Variants in DKK2 observed in about 807,000 individuals in gnomAD.
DKK2 encodes the protein dickkopf Wnt signaling pathway inhibitor 2, also known as dickkopf-related protein 2.
Under a neutral mutation model 28.1 loss-of-function variants are expected in DKK2, and 11 were observed. That is an observed-to-expected ratio of 0.39 (90% confidence interval 0.25 to 0.65). DKK2 has a LOEUF of 0.65. Ranked by LOEUF, DKK2 falls within the 30% of genes least tolerant of loss-of-function variation. The pLI is 0.47. For synonymous variants in DKK2, 135 were observed against 126.5 expected (o/e 1.07, Z -0.45); for missense variants, 326 against 335.5 (o/e 0.97, Z 0.22).
At chr4:107,008,056 C>T (rs1200878349) in intron 1 of DKK2, among the ~76,000 whole-genome samples, 2 of 152,032 alleles carry the variant, frequency 1.3e-5, no homozygotes, top group Non-Finnish European at 2.9e-5. Context: ...AGTTATGTCC[C>T]AGCTTATGTT....
chr4:106,939,268 G>C (rs952216428), intron 1 of DKK2, among the ~76,000 whole-genome samples: 2 of 151,916 alleles, frequency 1.3e-5, no homozygotes, highest in African/African-American at 4.8e-5. Flanking sequence ...GCAAAGTCTC[G>C]GGATACAAAA....
intron 1 of DKK2, among the ~76,000 whole-genome samples, chr4:106,964,960 T>TAGATAGATAG: frequency 6.8e-6 from 1 of 146,440 alleles, no homozygotes; most frequent in African/African-American, 2.5e-5. Context: ...GATAGATAGA[T>TAGATAGATAG]ATAGATAGAT....
At chr4:106,945,903 G>A (rs2110345240) in intron 1 of DKK2, among the ~76,000 whole-genome samples, 1 of 152,196 alleles carries the variant, frequency 6.6e-6, no homozygotes, top group South Asian at 2.1e-4. Flanking sequence ...CATAACCACA[G>A]CCAGCCATGG....
chr4:107,000,119 A>G (rs1049582902), intron 1 of DKK2, among the ~76,000 whole-genome samples: 2 of 152,232 alleles, frequency 1.3e-5, no homozygotes, highest in Non-Finnish European at 2.9e-5. Flanking sequence ...TGAATAGTCA[A>G]GGATAAAAGC....
At chr4:107,010,166 T>C (rs1723496635) in intron 1 of DKK2, among the ~76,000 whole-genome samples, 1 of 151,696 alleles carries the variant, frequency 6.6e-6, no homozygotes, top group African/African-American at 2.4e-5. Flanking sequence ...AAACAAGTAA[T>C]AATACAATAT....
chr4:107,033,760 A>T (rs1175016041), intron 1 of DKK2, among the ~76,000 whole-genome samples: 2 of 152,166 alleles, frequency 1.3e-5, no homozygotes, highest in Non-Finnish European at 2.9e-5. Flanking sequence ...TAGAGGAGTC[A>T]TGATTTGGAT....
intron 1 of DKK2, among the ~76,000 whole-genome samples, chr4:106,977,476 T>TA (rs1722962341): frequency 6.6e-6 from 1 of 152,320 alleles, no homozygotes; most frequent in African/African-American, 2.4e-5. Context: ...CTTCATGCTT[T>TA]ATTTCATTAC....
chr4:106,982,485 G>A (rs1723040860), intron 1 of DKK2, among the ~76,000 whole-genome samples: 1 of 152,088 alleles, frequency 6.6e-6, no homozygotes, highest in African/African-American at 2.4e-5. Context: ...ATAACAGGGA[G>A]GGCTGATATT....
chr4:107,034,627 A>G (rs1723934135), intron 1 of DKK2, among the ~76,000 whole-genome samples: 2 of 152,164 alleles, frequency 1.3e-5, no homozygotes, highest in South Asian at 2.1e-4. Flanking sequence ...CGACGCTGTC[A>G]TTGTCATCTC....
At chr4:106,942,136 C>G (rs1724708923) in intron 1 of DKK2, among the ~76,000 whole-genome samples, 1 of 152,034 alleles carries the variant, frequency 6.6e-6, no homozygotes. Flanking sequence ...ATGATAGATG[C>G]TTTGGTTTGT....
Position 107,035,559 on chromosome 4 carries a change from G to A in DKK2, c.33C>T (p.Ser11=). The part of the protein sequence containing the change: MAALMRSKDS[S]CCLLLLAAVL... ...CCGCGGCCAGTAGGAGCAGGCAGCA[G>A]GACGAATCCTTGCTCCGCATCAACG... is the stretch of plus-strand genomic sequence containing the variant. The change falls in exon 1 of 4, where the codon TCC becomes TCT. Residue 11 remains serine, a synonymous_variant. Coordinates refer to ENST00000285311, the MANE Select transcript of DKK2 (RefSeq NM_014421.3). The A allele has an allele frequency of 6.2e-7, 1 of 1,614,178 alleles. No individual in the cohort carries two copies. Among genetic ancestry groups the A allele is most frequent in the Non-Finnish European group, 8.5e-7 (1 of 1,180,042 alleles).
intron 1 of DKK2, among the ~76,000 whole-genome samples, chr4:107,034,837 A>T (rs1262676798): frequency 6.6e-6 from 1 of 152,076 alleles, no homozygotes; most frequent in Non-Finnish European, 1.5e-5. Context: ...CAATGTCTAG[A>T]CTGAAATCCC....
At chr4:107,003,234 A>T (rs1179120422) in intron 1 of DKK2, among the ~76,000 whole-genome samples, 2 of 152,142 alleles carry the variant, frequency 1.3e-5, no homozygotes, top group African/African-American at 4.8e-5. Context: ...TGCCAACTAT[A>T]CTGAGGAACA....
At chr4:107,025,569 A>G (rs1316129170) in intron 1 of DKK2, among the ~76,000 whole-genome samples, 4 of 152,188 alleles carry the variant, frequency 2.6e-5, no homozygotes, top group Non-Finnish European at 4.4e-5. Context: ...ACTTGGAAAA[A>G]GGACAAGCAG....
At chr4:106,941,616 T>C (rs1183602633) in intron 1 of DKK2, among the ~76,000 whole-genome samples, 1 of 152,164 alleles carries the variant, frequency 6.6e-6, no homozygotes, top group African/African-American at 2.4e-5. Context: ...CCAAGTACAC[T>C]ATATTGTCCT....
At chr4:106,983,372 A>AAAGAAAGAAAGAAAGAAAG (rs1560585856) in intron 1 of DKK2, among the ~76,000 whole-genome samples, 1 of 143,976 alleles carries the variant, frequency 6.9e-6, no homozygotes, top group African/African-American at 2.5e-5. Flanking sequence ...AAGAAAGAAG[A>AAAGAAAGAAAGAAAGAAAG]AAGAAAAGAA....
Position 107,017,979 on chromosome 4 carries a change from T to C in DKK2, c.222+17391A>G, listed in dbSNP as rs140384902. Among the ~76,000 whole-genome samples, 85 of 152,166 alleles carry C rather than the reference T, an allele frequency of 5.6e-4. 1 individual carries two copies. In the East Asian group the frequency reaches 0.016, roughly 28 times the overall value. ...CTAGCATTTTTCCCACCAAGGGATG[T>C]TTCCGCCCTTCTTAGAAGTACCCAA... On this transcript the variant is annotated intron_variant, in intron 1 of 3. Coordinates refer to ENST00000285311, the MANE Select transcript of DKK2 (RefSeq NM_014421.3).
At chr4:106,947,947 A>G (rs1724802247) in intron 1 of DKK2, among the ~76,000 whole-genome samples, 2 of 152,208 alleles carry the variant, frequency 1.3e-5, no homozygotes, top group South Asian at 4.1e-4. Flanking sequence ...CAACATACTC[A>G]GCAAATTAAC....
At chr4:106,994,045 C>T (rs1246064811) in intron 1 of DKK2, among the ~76,000 whole-genome samples, 3 of 152,138 alleles carry the variant, frequency 2.0e-5, no homozygotes, top group Admixed American at 1.3e-4. Flanking sequence ...GCATTGTAAC[C>T]TTATCTAGCG....
Sources: gnomAD v4.1 joint callset for allele counts (sites outside exome capture counted in the v4.1 genomes callset) on GRCh38, gnomAD v4.1.1 for gene constraint, MANE v1.5 for transcripts, NCBI Gene and HGNC (gene_info 2026-07-23, HGNC 2026-07-21) for gene names.